The following TMPRSS3 variants were observed in gnomAD, a reference collection of about 807,000 sequenced individuals.
TMPRSS3 encodes the protein transmembrane protease serine 3.
Under a neutral mutation model 59.6 loss-of-function variants are expected in TMPRSS3, and 55 were observed. The observed-to-expected ratio is 0.92, with a 90% CI of 0.74 to 1.16. TMPRSS3 has a LOEUF of 1.16. Among genes scored for constraint, TMPRSS3 ranks in the 50% most tolerant of loss-of-function variants. The pLI, the probability that TMPRSS3 is intolerant of heterozygous loss-of-function variation, is 0.00. For missense variants in TMPRSS3, 596 were observed against 579.4 expected (o/e 1.03, Z -0.29); for synonymous variants, 257 against 237.7 (o/e 1.08, Z -0.75).
Position 42,385,375 on chromosome 21 carries a change from C to A in TMPRSS3, c.572+34G>T, listed in dbSNP as rs766089536. On this transcript the variant is annotated intron_variant, in intron 6 of 12. Coordinates refer to ENST00000644384, the MANE Select transcript of TMPRSS3 (RefSeq NM_001256317.3). ...CACAAATCCAGCAGGTGACTCGATA[C>A]CTGTGCAGACAACAGCATCGCCTGA... 3 of 1,613,184 alleles carry A rather than the reference C, an allele frequency of 1.9e-6. No homozygotes were observed. In the African/African-American group the frequency reaches 4.0e-5, roughly 22 times the overall value.
chr21:42,375,062 C>A (rs1367885420), intron 12 of TMPRSS3, among the ~76,000 whole-genome samples: 1 of 152,102 alleles, frequency 6.6e-6, no homozygotes, highest in East Asian at 1.9e-4. Context: ...GCCGTGTTCA[C>A]CTGCCAGCAC....
In TMPRSS3 at chr21:42,380,172, G is replaced by A. The variant is rs397517380; in HGVS notation, c.993C>T (p.Asn331=). The A allele has an allele frequency of 1.1e-4, 173 of 1,614,156 alleles. No homozygotes were observed. Among genetic ancestry groups the A allele is most frequent in the Middle Eastern group, 6.6e-4 (4 of 6,062 alleles). ...QPVCLPNSEE[N]FPDGKVCWTS... is the part of the protein sequence containing the mutation. ...TCCAGCACACTTTTCCATCGGGGAAGTTCTCTTCAGAGTTGGGCAGGCACA... is the reference window on the plus strand; with the variant it reads ...TCCAGCACACTTTTCCATCGGGGAAATTCTCTTCAGAGTTGGGCAGGCACA... Residue 331 remains asparagine (N), a synonymous_variant, in exon 10 of 13, where the codon AAC becomes AAT. Transcript: ENST00000644384.
At chr21:42,389,858 G>T in intron 3 of TMPRSS3, 69 bp downstream of exon 3, 1 of 1,164,728 alleles carries the variant, frequency 8.6e-7, no homozygotes, top group Non-Finnish European at 1.3e-6. Context: ...GGATGAGAGG[G>T]GGCGCTCATG....
rs1207373023 is a variant in TMPRSS3, at chr21:42,388,914, G to A, written c.322+15C>T. The A allele has an allele frequency of 5.6e-6, 9 of 1,609,310 alleles. No individual in the cohort carries two copies. Among genetic ancestry groups the A allele is most frequent in the African/African-American group, 1.3e-5 (1 of 74,840 alleles). On this transcript the variant is annotated intron_variant, in intron 4 of 12. Transcript: ENST00000644384. The surrounding 1 kb of genome is among the most constrained non-coding windows in gnomAD (Gnocchi z 5.1). ...GCTTCCTTCTGTTTCCCCAGGGGAA[G>A]AGCCATGACCTTACCACAGCGGTAC...
At chr21:42,380,344 T>G (rs576653096) in intron 9 of TMPRSS3, 132 bp from the exon 10 acceptor site, 183 of 766,024 alleles carry the variant, frequency 2.4e-4, no homozygotes, top group Non-Finnish European at 4.0e-4. Context: ...CTTGGTTACT[T>G]GAAAACGATC....
At chr21:42,384,132 T>C (rs2052585367) in intron 6 of TMPRSS3, 119 bp from the exon 7 acceptor site, 2 of 953,366 alleles carry the variant, frequency 2.1e-6, no homozygotes, top group Admixed American at 2.3e-5. Context: ...TCTTTGAATA[T>C]AGATTACAAT....
At chr21:42,386,426 G>A (rs929184401) in intron 5 of TMPRSS3, among the ~76,000 whole-genome samples, 2 of 152,208 alleles carry the variant, frequency 1.3e-5, no homozygotes, top group Non-Finnish European at 2.9e-5. Context: ...CACGGATTCC[G>A]CTGGCACTGG....
Position 42,371,947 on chromosome 21 carries a change from T to C in TMPRSS3, c.*815A>G, listed in dbSNP as rs116974943. The C allele has an allele frequency of 8.4e-3, 3,820 of 454,588 alleles. 37 individuals are homozygous for C. The highest frequency in any genetic ancestry group is 0.012 in the Non-Finnish European group (2,659 of 226,782). The allele number at this position is 454,588 out of a possible 1,614,324, so 28.2% of individuals were successfully genotyped here. A position where few individuals can be genotyped will look rare whatever the true frequency, so the allele number is the denominator to read the frequency against. ...GGACAATAATACGTCAAGCACCAAATGCTACAAAGAAATCATGAAAATAGG... is the reference window on the plus strand; with the variant it reads ...GGACAATAATACGTCAAGCACCAAACGCTACAAAGAAATCATGAAAATAGG... On this transcript the variant is annotated 3_prime_UTR_variant, in exon 13 of 13. Coordinates refer to ENST00000644384, the MANE Select transcript of TMPRSS3 (RefSeq NM_001256317.3).
chr21:42,387,444 C>T (rs995669918), intron 5 of TMPRSS3, among the ~76,000 whole-genome samples: 3 of 151,208 alleles, frequency 2.0e-5, no homozygotes, highest in Admixed American at 6.6e-5. Flanking sequence ...TTCCTGAAGA[C>T]GTTAGTGTGG....
chr21:42,374,510 T>C (rs2052387244), intron 12 of TMPRSS3, among the ~76,000 whole-genome samples: 1 of 152,250 alleles, frequency 6.6e-6, no homozygotes, highest in Admixed American at 6.5e-5. Context: ...TCAAATTAAA[T>C]GAGCTTTTTA....
chr21:42,381,887 C>G (rs1056342518), intron 9 of TMPRSS3, 178 bp downstream of exon 9: 1 of 828,616 alleles, frequency 1.2e-6, no homozygotes. Flanking sequence ...AGGAGCATCA[C>G]AATTTTAATG....
In TMPRSS3 at chr21:42,379,288, A is replaced by G. The variant is rs555081741; in HGVS notation, c.1048+829T>C. ...AGCAATCCTCCTGCCTTGGCCTCCC[A>G]AAGTGCTGGGATTACAGGTGCATGC... is the stretch of plus-strand genomic sequence containing the variant. On this transcript the variant is annotated intron_variant, in intron 10 of 12. Transcript: ENST00000644384. 6.2e-5 allele frequency among the ~76,000 whole-genome samples: 9 copies of G among 145,818 alleles called. No homozygotes were observed. In the South Asian group the frequency reaches 2.0e-3, roughly 32 times the overall value.
chr21:42,372,297 T>C lies in TMPRSS3; in HGVS notation c.*465A>G, dbSNP rs1176823647. ...GCGTGAGGCTAGGCGTGGTGGCCCA[T>C]GCCTGTAATCCCAGCACTGTGGGAG... On this transcript the variant is annotated 3_prime_UTR_variant, in exon 13 of 13. Transcript: ENST00000644384. 2 of 454,382 alleles carry C rather than the reference T, an allele frequency of 4.4e-6. No homozygotes were observed. Among genetic ancestry groups the C allele is most frequent in the Admixed American group, 4.7e-5 (2 of 42,534 alleles). 28.1% of individuals were successfully genotyped at this position (454,382 alleles called of 1,614,324 possible).
rs751401936 is a variant in TMPRSS3 at position 42,382,144 on chromosome 21, G to A, written c.873C>T (p.Val291=). The A allele has an allele frequency of 6.2e-7, 1 of 1,614,208 alleles. No homozygotes were observed. The highest frequency in any genetic ancestry group is 8.5e-7 in the Non-Finnish European group (1 of 1,180,032). ...TCTTTGGCTTGTACTTGCTGTGGTA[G>A]ACAATCTTCTCCACCAAGTGGGATG... is the stretch of plus-strand genomic sequence containing the variant. The part of the protein sequence containing the change: ...PAPSHLVEKI[V]YHSKYKPKRL... The change falls in exon 9 of 13, where the codon GTC becomes GTT. Residue 291 remains valine, a synonymous_variant. Transcript: ENST00000644384.
intron 5 of TMPRSS3, among the ~76,000 whole-genome samples, chr21:42,387,194 A>G (rs1220249372): frequency 1.3e-5 from 2 of 152,146 alleles, no homozygotes; most frequent in African/African-American, 4.8e-5. Flanking sequence ...GTTTTTCTGC[A>G]TAACAGAGCA....
In TMPRSS3 at chr21:42,388,997, C is replaced by T. The variant is rs2052686107; in HGVS notation, c.254G>A (p.Cys85Tyr). The change falls in exon 4 of 13, where the codon TGT becomes TAT. Residue 85 changes from cysteine (C) to tyrosine (Y), a missense_variant. By Grantham distance (194) the Cys-to-Tyr change is radical (BLOSUM62 -2). Transcript: ENST00000644384. This position sits in a 1 kb window ranked among gnomAD's most constrained non-coding sequence, Gnocchi z 5.1. ...GTCACATCGAGCTATCAGCTCGATA[C>T]ACTTAAAGGATGAGCGACATCTGTA... ...GKYRCRSSFK[C>Y]IELIARCDGV... 4 of 1,614,188 alleles carry T rather than the reference C, an allele frequency of 2.5e-6. No homozygotes were observed. Among genetic ancestry groups the T allele is most frequent in the Non-Finnish European group, 3.4e-6 (4 of 1,180,040 alleles).
chr21:42,385,431 A>C lies in TMPRSS3; in HGVS notation c.550T>G (p.Leu184Val), dbSNP rs876658022. The C allele has an allele frequency of 2.5e-6, 4 of 1,614,084 alleles. No homozygotes were observed. The highest frequency in any genetic ancestry group is 3.4e-6 in the Non-Finnish European group (4 of 1,179,998). Residue 184 changes from leucine to valine, a missense_variant, in exon 6 of 13, where the codon TTA becomes GTA. By Grantham distance (32) the Leu-to-Val change is conservative. Coordinates refer to ENST00000644384, the MANE Select transcript of TMPRSS3 (RefSeq NM_001256317.3). ...TACCTCACATATACTGAGTGGTGTA[A>C]TGCAGTCACCTTGTCATCTGGCAAG... ...HLLPDDKVTALHHSVYVREGC... is the reference protein window; with the variant it reads ...HLLPDDKVTAVHHSVYVREGC...
At chr21:42,390,308 C>T in intron 2 of TMPRSS3, 1 of 446,414 alleles carries the variant, frequency 2.2e-6, no homozygotes, top group Middle Eastern at 6.8e-4. Context: ...ACGTTGAGGT[C>T]TTAACTCTTA....
intron 2 of TMPRSS3, 153 bp from the exon 3 acceptor site, chr21:42,390,190 C>T (rs1006495325): frequency 5.9e-6 from 4 of 683,076 alleles, no homozygotes; most frequent in African/African-American, 3.5e-5. Context: ...GGCCACCCAC[C>T]AAGGGGCACA....
Sources: allele counts gnomAD v4.1 joint callset (sites outside exome capture counted in the v4.1 genomes callset), GRCh38; gene constraint gnomAD v4.1.1; non-coding constraint Gnocchi (gnomAD v3.1); transcripts MANE v1.5; gene names NCBI Gene and HGNC (gene_info 2026-07-23, HGNC 2026-07-21).